The following PPP1R12B variants were observed in gnomAD, a reference collection of about 807,000 sequenced individuals.
The protein encoded by PPP1R12B is protein phosphatase 1 regulatory subunit 12B, also known as myosin phosphatase target subunit 2.
PPP1R12B carries 76 observed loss-of-function variants against 126.1 expected under a neutral mutation model. The observed-to-expected ratio is 0.60, with a 90% CI of 0.50 to 0.73. PPP1R12B has a LOEUF of 0.73. PPP1R12B is among the 30% of genes least tolerant of loss of function. The pLI is 0.00. For missense variants in PPP1R12B, 1,052 were observed against 1,205.1 expected (o/e 0.87, Z 1.88); for synonymous variants, 356 against 434.7 (o/e 0.82, Z 2.25).
At chr1:202,414,521 A>C (rs949586856) in intron 1 of PPP1R12B, among the ~76,000 whole-genome samples, 2 of 152,194 alleles carry the variant, frequency 1.3e-5, no homozygotes, top group Non-Finnish European at 2.9e-5. Flanking sequence ...AACAGATCTT[A>C]TCAGAAAAGT....
intron 18 of PPP1R12B, among the ~76,000 whole-genome samples, chr1:202,548,757 G>C (rs1354831793): frequency 6.9e-6 from 1 of 145,164 alleles, no homozygotes; most frequent in Non-Finnish European, 1.5e-5. Context: ...ATGATCATGC[G>C]CTCGCTCACT....
intron 18 of PPP1R12B, among the ~76,000 whole-genome samples, chr1:202,547,335 A>G (rs953243069): frequency 2.0e-5 from 3 of 152,114 alleles, no homozygotes; most frequent in African/African-American, 4.8e-5. Flanking sequence ...TTTTTATTCT[A>G]TTCTTGACCT....
intron 2 of PPP1R12B, among the ~76,000 whole-genome samples, 189 bp downstream of exon 2, chr1:202,417,106 GTTT>G (rs1668175697): frequency 6.6e-6 from 1 of 152,122 alleles, no homozygotes; most frequent in South Asian, 2.1e-4. Flanking sequence ...TAAATCCATA[GTTT>G]TTTAGTTGAA....
intron 22 of PPP1R12B, among the ~76,000 whole-genome samples, chr1:202,568,499 T>G (rs1037622728): frequency 6.6e-6 from 1 of 152,242 alleles, no homozygotes; most frequent in Non-Finnish European, 1.5e-5. Context: ...CTGTTTAATT[T>G]GGAAAGCAGC....
At chr1:202,501,188 A>G (rs1369479597) in intron 18 of PPP1R12B, among the ~76,000 whole-genome samples, 1 of 152,242 alleles carries the variant, frequency 6.6e-6, no homozygotes, top group Non-Finnish European at 1.5e-5. Context: ...TTTGAGGAAT[A>G]GGGTTATTCT....
chr1:202,449,421 G>C (rs181739201), intron 13 of PPP1R12B, among the ~76,000 whole-genome samples: 15 of 150,810 alleles, frequency 9.9e-5, no homozygotes, highest in South Asian at 2.1e-4. Flanking sequence ...GACTGCAGGC[G>C]TGTGTCACCC....
chr1:202,375,264 T>C (rs536553354), intron 1 of PPP1R12B, among the ~76,000 whole-genome samples: 48 of 152,326 alleles, frequency 3.2e-4, no homozygotes, highest in African/African-American at 6.0e-4. Flanking sequence ...TTTTCTATGC[T>C]TCAGCCAGGA....
At chr1:202,543,448 A>G (rs1685317180) in intron 18 of PPP1R12B, among the ~76,000 whole-genome samples, 1 of 152,178 alleles carries the variant, frequency 6.6e-6, no homozygotes. Context: ...GTTTTTAAAA[A>G]TATACATCCC....
chr1:202,523,738 G>A (rs574284504), intron 18 of PPP1R12B, among the ~76,000 whole-genome samples: 13 of 151,916 alleles, frequency 8.6e-5, no homozygotes, highest in Non-Finnish European at 1.6e-4. Flanking sequence ...TTTTTGAGAC[G>A]GAGTCTTGCT....
At chr1:202,492,302 T>A (rs1678980026) in intron 14 of PPP1R12B, among the ~76,000 whole-genome samples, 7 of 152,204 alleles carry the variant, frequency 4.6e-5, no homozygotes, top group Admixed American at 4.6e-4. Context: ...AATTCTTTAT[T>A]AACAGAATGA....
intron 21 of PPP1R12B, among the ~76,000 whole-genome samples, 199 bp downstream of exon 21, chr1:202,564,746 A>G (rs1687903825): frequency 6.6e-6 from 1 of 152,242 alleles, no homozygotes; most frequent in Non-Finnish European, 1.5e-5. Flanking sequence ...CTGATAATTC[A>G]GTGAACAATT....
chr1:202,485,946 T>G (rs1488777747), intron 13 of PPP1R12B, among the ~76,000 whole-genome samples: 1 of 152,098 alleles, frequency 6.6e-6, no homozygotes, highest in Non-Finnish European at 1.5e-5. Context: ...CAGTGGTATA[T>G]TCTCAGCTCA....
chr1:202,553,846 C>G (rs1340668610), intron 18 of PPP1R12B, among the ~76,000 whole-genome samples: 4 of 152,104 alleles, frequency 2.6e-5, no homozygotes, highest in African/African-American at 9.7e-5. Flanking sequence ...ATGTCACTTC[C>G]TGGCTCACTG....
intron 19 of PPP1R12B, 112 bp from the exon 20 acceptor site, chr1:202,562,666 C>A: frequency 8.4e-7 from 1 of 1,186,944 alleles, no homozygotes; most frequent in Non-Finnish European, 1.3e-6. Context: ...TTGTTTCTGG[C>A]CAGGGCTCCG....
At chr1:202,372,375 G>A (rs150625687) in intron 1 of PPP1R12B, among the ~76,000 whole-genome samples, 1,843 of 152,044 alleles carry the variant, frequency 0.012, 47 homozygotes, top group African/African-American at 0.042. Context: ...ATGGTGGTGC[G>A]TGCGGATAGT....
chr1:202,518,483 A>G (rs1168548721), intron 18 of PPP1R12B, among the ~76,000 whole-genome samples: 1 of 152,240 alleles, frequency 6.6e-6, no homozygotes, highest in Non-Finnish European at 1.5e-5. Flanking sequence ...AGCCATTTAA[A>G]AGTGAGTTAC....
chr1:202,400,013 C>G (rs1665595202), intron 1 of PPP1R12B, among the ~76,000 whole-genome samples: 1 of 151,792 alleles, frequency 6.6e-6, no homozygotes, highest in African/African-American at 2.4e-5. Flanking sequence ...TTCTCTCTCC[C>G]TCCCTCTCTG....
Position 202,437,854 on chromosome 1 carries a change from C to G in PPP1R12B, c.1288C>G (p.Pro430Ala), listed in dbSNP as rs1326692644. Residue 430 changes from proline (P) to alanine (A), a missense_variant, in exon 10 of 24, where the codon CCC (proline) becomes GCC (alanine). By Grantham distance (27) the Pro-to-Ala change is conservative. Coordinates refer to ENST00000608999, the MANE Select transcript of PPP1R12B (RefSeq NM_002481.4). ...SSGLFNKPEE[P>A]KDESPSSWRL... ...TGGCCTTTTTAACAAGCCAGAAGAG[C>G]CCAAAGATGAATCTCCTTCTTCATG... 6.2e-7 allele frequency: 1 copy of G among 1,613,754 alleles called. No homozygotes were observed. The highest frequency in any genetic ancestry group is 1.1e-5 in the South Asian group (1 of 91,072).
chr1:202,528,870 C>T (rs1683630754), intron 18 of PPP1R12B, among the ~76,000 whole-genome samples: 1 of 151,910 alleles, frequency 6.6e-6, no homozygotes, highest in Non-Finnish European at 1.5e-5. Context: ...AAATCTTAGG[C>T]ATAGGGAAAA....
Sources: gnomAD v4.1 joint callset for allele counts (sites outside exome capture counted in the v4.1 genomes callset) on GRCh38, gnomAD v4.1.1 for gene constraint, MANE v1.5 for transcripts, NCBI Gene and HGNC (gene_info 2026-07-23, HGNC 2026-07-21) for gene names.